The following ZNF407 variants were observed in gnomAD, a reference collection of about 807,000 sequenced individuals.
The protein encoded by ZNF407 is zinc finger protein 407.
Under a neutral mutation model 131.2 loss-of-function variants are expected in ZNF407, and 17 were observed. The observed-to-expected ratio is 0.13, with a 90% CI of 0.09 to 0.19. ZNF407 has a LOEUF of 0.19. ZNF407 is among the 10% of genes least tolerant of loss of function. ZNF407 has a pLI of 1.00. For synonymous variants in ZNF407, 1,156 were observed against 1,062.0 expected (o/e 1.09, Z -1.72); for missense variants, 2,681 against 2,830.6 (o/e 0.95, Z 1.20).
chr18:74,640,438 T>C (rs1599034279), intron 2 of ZNF407, among the ~76,000 whole-genome samples: 1 of 152,142 alleles, frequency 6.6e-6, no homozygotes. Context: ...TAAAAATTTA[T>C]CTACTGTATA....
At chr18:74,702,796 T>C (rs774377656) in intron 3 of ZNF407, among the ~76,000 whole-genome samples, 1 of 152,154 alleles carries the variant, frequency 6.6e-6, no homozygotes, top group Non-Finnish European at 1.5e-5. Context: ...TACATAGACA[T>C]GTACATGGGT....
chr18:75,011,523 T>TA (rs575738142), intron 8 of ZNF407, among the ~76,000 whole-genome samples: 8 of 151,970 alleles, frequency 5.3e-5, no homozygotes, highest in African/African-American at 1.4e-4. Flanking sequence ...TTATTACACA[T>TA]AAAAAAAATC....
chr18:75,000,450 T>C (rs1350962564), intron 8 of ZNF407, among the ~76,000 whole-genome samples: 1 of 152,250 alleles, frequency 6.6e-6, no homozygotes, highest in Non-Finnish European at 1.5e-5. Context: ...GAAATGGTCA[T>C]ATCCGTCAGG....
chr18:74,724,547 TTCTC>T (rs145328414), intron 3 of ZNF407, among the ~76,000 whole-genome samples: 7 of 150,670 alleles, frequency 4.6e-5, no homozygotes, highest in Admixed American at 1.3e-4. Context: ...TTTTTAAGAT[TTCTC>T]TCTCTCTCTC....
intron 8 of ZNF407, among the ~76,000 whole-genome samples, chr18:75,055,449 G>A (rs562608074): frequency 1.1e-4 from 17 of 152,290 alleles, no homozygotes; most frequent in African/African-American, 3.4e-4. Context: ...CTTAAAGCAC[G>A]CATTCTCATC....
chr18:75,027,482 T>C (rs1568305140), intron 8 of ZNF407, among the ~76,000 whole-genome samples: 2 of 152,124 alleles, frequency 1.3e-5, no homozygotes, highest in Non-Finnish European at 2.9e-5. Flanking sequence ...GCCATGGAGT[T>C]AGTGCAAATA....
At chr18:74,729,522 A>G (rs75292204) in intron 3 of ZNF407, among the ~76,000 whole-genome samples, 2,335 of 151,852 alleles carry the variant, frequency 0.015, 67 homozygotes, top group African/African-American at 0.052. Flanking sequence ...TTTGTCTTGC[A>G]TGTTCGTTGG....
intron 4 of ZNF407, among the ~76,000 whole-genome samples, chr18:74,829,430 T>C (rs1224527104): frequency 2.0e-5 from 3 of 152,212 alleles, no homozygotes; most frequent in African/African-American, 7.2e-5. Flanking sequence ...CCTTACCTAT[T>C]TGTAAGATCT....
chr18:74,678,339 T>C (rs1306474833), intron 3 of ZNF407, among the ~76,000 whole-genome samples: 2 of 152,190 alleles, frequency 1.3e-5, no homozygotes, highest in Admixed American at 1.3e-4. Context: ...CCTTTTACTC[T>C]TAGAGTACAT....
chr18:74,688,582 C>A (rs1359695424), intron 3 of ZNF407, among the ~76,000 whole-genome samples: 1 of 152,096 alleles, frequency 6.6e-6, no homozygotes, highest in African/African-American at 2.4e-5. Flanking sequence ...GCTTTTGTTT[C>A]TAAAAACTCA....
chr18:74,821,140 A>G (rs1440627181), intron 4 of ZNF407, among the ~76,000 whole-genome samples: 2 of 151,926 alleles, frequency 1.3e-5, no homozygotes, highest in African/African-American at 4.8e-5. Flanking sequence ...AGGTTGGTGC[A>G]AAAGTAATTG....
At chr18:74,855,573 A>G (rs1970847967) in intron 4 of ZNF407, among the ~76,000 whole-genome samples, 1 of 152,230 alleles carries the variant, frequency 6.6e-6, no homozygotes, top group Non-Finnish European at 1.5e-5. Flanking sequence ...ATTTAAAAGA[A>G]TAACAATATG....
At chr18:74,619,159 T>C (rs1205680750) in intron 1 of ZNF407, among the ~76,000 whole-genome samples, 1 of 152,196 alleles carries the variant, frequency 6.6e-6, no homozygotes, top group African/African-American at 2.4e-5. Flanking sequence ...ATTATTAAGA[T>C]ACTTTTTTCT....
intron 8 of ZNF407, among the ~76,000 whole-genome samples, chr18:75,016,666 T>C: frequency 6.6e-6 from 1 of 152,170 alleles, no homozygotes; most frequent in East Asian, 1.9e-4. Context: ...TTCAACTGAA[T>C]GTGTTATCAT....
intron 3 of ZNF407, among the ~76,000 whole-genome samples, chr18:74,672,246 G>T (rs1051844747): frequency 5.3e-5 from 8 of 152,144 alleles, no homozygotes; most frequent in African/African-American, 1.9e-4. Context: ...ACAGTTATTT[G>T]ACTGATGTGA....
chr18:74,959,566 T>G (rs115728827), intron 8 of ZNF407, among the ~76,000 whole-genome samples: 1 of 152,224 alleles, frequency 6.6e-6, no homozygotes, highest in Non-Finnish European at 1.5e-5. Context: ...TTGAATTTTT[T>G]TCTATGCCCA....
At chr18:74,957,233 G>T (rs530101975) in intron 8 of ZNF407, among the ~76,000 whole-genome samples, 2 of 152,120 alleles carry the variant, frequency 1.3e-5, no homozygotes, top group South Asian at 4.2e-4. Context: ...GTCGTTCTTC[G>T]CTTTCCCTAT....
chr18:74,730,290 G>A (rs1292660848), intron 3 of ZNF407, among the ~76,000 whole-genome samples: 1 of 152,304 alleles, frequency 6.6e-6, no homozygotes, highest in East Asian at 1.9e-4. Flanking sequence ...GGCTTCTCTA[G>A]CTTGAATGAT....
chr18:74,671,608 A>C (rs771359911), intron 3 of ZNF407, among the ~76,000 whole-genome samples: 1 of 152,166 alleles, frequency 6.6e-6, no homozygotes, highest in East Asian at 1.9e-4. Flanking sequence ...GAGAACATGC[A>C]GCATTGGGTT....
Sources: allele counts gnomAD v4.1 joint callset (sites outside exome capture counted in the v4.1 genomes callset), GRCh38; gene constraint gnomAD v4.1.1; transcripts MANE v1.5; gene names NCBI Gene and HGNC (gene_info 2026-07-23, HGNC 2026-07-21).